SHQ1: variants seen among roughly 807,000 people sequenced by gnomAD.
SHQ1 encodes protein SHQ1 homolog.
SHQ1 carries 49 observed loss-of-function variants against 53.8 expected under a neutral mutation model. The ratio of observed to expected loss-of-function variants is 0.91; its 90% CI spans 0.72 to 1.16. The LOEUF is 1.16. Among genes scored for constraint, SHQ1 ranks in the 50% most tolerant of loss-of-function variants. The pLI, the probability that SHQ1 is intolerant of heterozygous loss-of-function variation, is 0.00. For synonymous variants in SHQ1, 243 were observed against 251.0 expected, an observed-to-expected ratio of 0.97 and a Z score of 0.30; for missense variants, 738 against 683.1, an observed-to-expected ratio of 1.08 and a Z score of -0.90.
At chr3:72,741,246 A>G in the SHQ1 span, among the ~76,000 whole-genome samples, 1 of 152,182 alleles carries the variant, frequency 6.6e-6, no homozygotes, top group Non-Finnish European at 1.5e-5. Flanking sequence ...ACAGGGTCTC[A>G]CTATGCCCAA....
chr3:72,830,591 G>A (rs969056803), intron 5 of SHQ1, among the ~76,000 whole-genome samples: 1 of 151,898 alleles, frequency 6.6e-6, no homozygotes, highest in African/African-American at 2.4e-5. Flanking sequence ...ATACATTTGG[G>A]TGAGTCAGTC....
At chr3:72,810,695 T>C (rs764103887) in intron 9 of SHQ1, among the ~76,000 whole-genome samples, 1 of 152,190 alleles carries the variant, frequency 6.6e-6, no homozygotes, top group Non-Finnish European at 1.5e-5. Context: ...TTCAAACAAA[T>C]GAGCCTCTTC....
chr3:72,816,085 T>A (rs780607608), intron 7 of SHQ1, among the ~76,000 whole-genome samples: 6 of 152,088 alleles, frequency 3.9e-5, no homozygotes, highest in Non-Finnish European at 8.8e-5. Flanking sequence ...CACACTAAAT[T>A]AATAGTCATC....
chr3:72,788,094 C>T (rs1432284554), intron 10 of SHQ1, among the ~76,000 whole-genome samples: 1 of 152,202 alleles, frequency 6.6e-6, no homozygotes, highest in Non-Finnish European at 1.5e-5. Flanking sequence ...CCTGCCTTGG[C>T]CTCCCAAAGT....
intron 10 of SHQ1, chr3:72,753,463 G>A (rs766602177): frequency 1.6e-4 from 159 of 985,240 alleles, no homozygotes; most frequent in Non-Finnish European, 1.9e-4. Flanking sequence ...ATTGTGCAGG[G>A]ATTGCCCCCC....
rs138261093 is a variant in SHQ1, at chr3:72,771,103, G to C, written c.1182-20267C>G. Among the ~76,000 whole-genome samples the C allele has an allele frequency of 5.5e-3, 837 of 152,174 alleles. 15 individuals carry two copies. The highest frequency in any genetic ancestry group is 0.015 in the South Asian group (71 of 4,810). ...AAGGTATCTAGTGGAAGAGTACAAA[G>C]TTCTGACCTCAGCCTTCCTCATTTT... On this transcript the variant is annotated intron_variant, in intron 10 of 10. Coordinates refer to ENST00000325599, the MANE Select transcript of SHQ1 (RefSeq NM_018130.3).
chr3:72,733,001 T>C, the SHQ1 span, among the ~76,000 whole-genome samples: 1 of 151,594 alleles, frequency 6.6e-6, no homozygotes, highest in Admixed American at 6.6e-5. Flanking sequence ...TTTCTAAGCC[T>C]GGCCACGGTG....
At chr3:72,840,055 T>A (rs2106951915) in intron 4 of SHQ1, among the ~76,000 whole-genome samples, 1 of 151,964 alleles carries the variant, frequency 6.6e-6, no homozygotes, top group Non-Finnish European at 1.5e-5. Flanking sequence ...CACATCCGGC[T>A]AATTTGGCCA....
intron 10 of SHQ1, among the ~76,000 whole-genome samples, chr3:72,775,495 G>T (rs989330576): frequency 4.0e-5 from 6 of 148,670 alleles, no homozygotes; most frequent in African/African-American, 1.3e-4. Context: ...GCTACTGAAG[G>T]TTCAAGGAAT....
At chr3:72,837,864 G>A (rs1453056435) in intron 4 of SHQ1, among the ~76,000 whole-genome samples, 1 of 152,224 alleles carries the variant, frequency 6.6e-6, no homozygotes, top group South Asian at 2.1e-4. Flanking sequence ...AACCAATTAT[G>A]CAAGATTTCT....
intron 10 of SHQ1, among the ~76,000 whole-genome samples, chr3:72,765,578 C>T (rs11916438): frequency 0.24 from 24,929 of 105,956 alleles, 3,093 homozygotes; most frequent in African/African-American, 0.3. Context: ...TTTTTTGAGA[C>T]AGTCTCACTC....
intron 2 of SHQ1, among the ~76,000 whole-genome samples, chr3:72,844,109 G>C (rs1043053508): frequency 6.6e-6 from 1 of 152,146 alleles, no homozygotes; most frequent in African/African-American, 2.4e-5. Context: ...AAATGTAGGG[G>C]AAGTACTCTA....
chr3:72,819,167 C>T (rs1707404829), intron 6 of SHQ1, among the ~76,000 whole-genome samples: 1 of 152,152 alleles, frequency 6.6e-6, no homozygotes, highest in Admixed American at 6.5e-5. Flanking sequence ...AGTGACTTAT[C>T]ATTGTTATTT....
intron 8 of SHQ1, among the ~76,000 whole-genome samples, chr3:72,814,892 T>C (rs1475295911): frequency 1.3e-5 from 2 of 152,188 alleles, no homozygotes; most frequent in Non-Finnish European, 2.9e-5. Context: ...AAACCTGCAA[T>C]ACTTACCTCA....
chr3:72,809,877 T>G (rs568788529), intron 9 of SHQ1: 1 of 151,830 alleles, frequency 6.6e-6, no homozygotes, highest in African/African-American at 2.4e-5. Context: ...GAGAATTTCT[T>G]GAACCCAGGA....
chr3:72,798,997 A>C (rs918117508), intron 9 of SHQ1, among the ~76,000 whole-genome samples: 3 of 152,074 alleles, frequency 2.0e-5, no homozygotes, highest in Non-Finnish European at 2.9e-5. Context: ...ATCAAATGTC[A>C]TATCTGTCCT....
chr3:72,753,270 G>C, intron 10 of SHQ1: 1 of 985,414 alleles, frequency 1.0e-6, no homozygotes. Context: ...CTGGATGACG[G>C]TGAGTTTACA....
intron 1 of SHQ1, 35 bp downstream of exon 1, chr3:72,848,163 T>G (rs1397153001): frequency 2.5e-6 from 4 of 1,613,148 alleles, no homozygotes; most frequent in Non-Finnish European, 8.5e-7. Context: ...ATCTAACGAA[T>G]GCGCCTTTCC....
rs898825165 is a variant in SHQ1, at chr3:72,763,048, C to T, written c.1182-12212G>A. On this transcript the variant is annotated intron_variant, in intron 10 of 10. Coordinates refer to ENST00000325599, the MANE Select transcript of SHQ1 (RefSeq NM_018130.3). Reference sequence around the variant, plus strand: ...ACACACACACACACACACACACACACACACACACACACACAGAGAGAGAGA... The same window carrying T: ...ACACACACACACACACACACACACATACACACACACACACAGAGAGAGAGA... Among the ~76,000 whole-genome samples the T allele has an allele frequency of 2.4e-3, 333 of 140,456 alleles. 2 individuals carry two copies. Among genetic ancestry groups the T allele is most frequent in the African/African-American group, 8.9e-3 (305 of 34,312 alleles). The allele number at this position is 140,456 out of a possible 152,430, so 92.1% of individuals were successfully genotyped here.
Sources: allele counts gnomAD v4.1 joint callset (sites outside exome capture counted in the v4.1 genomes callset), GRCh38; gene constraint gnomAD v4.1.1; transcripts MANE v1.5; gene names NCBI Gene and HGNC (gene_info 2026-07-23, HGNC 2026-07-21).